The following SPTB variants were observed in gnomAD, a reference collection of about 807,000 sequenced individuals.
SPTB encodes spectrin beta chain, erythrocytic.
A neutral mutation model predicts 256.2 loss-of-function variants in SPTB; 45 were observed. That is an observed-to-expected ratio of 0.18 (90% CI 0.14 to 0.23). SPTB has a LOEUF of 0.23. Ranked by LOEUF, SPTB falls within the 10% of genes least tolerant of loss-of-function variation. The pLI is 1.00. For synonymous variants in SPTB, 1,231 were observed against 1,243.1 expected (o/e 0.99, Z 0.21); for missense variants, 2,715 against 3,040.4 (o/e 0.89, Z 2.52).
rs764314389 is a variant in SPTB, at chr14:64,749,357, G to A, written c.6936C>T (p.Leu2312=). The A allele has an allele frequency of 5.0e-6, 8 of 1,610,574 alleles. No homozygotes were observed. Among genetic ancestry groups the A allele is most frequent in the African/African-American group, 1.3e-5 (1 of 74,930 alleles). ...LPSLSGPDAS[L]GKKDKEKRFS... ...ATCTCTTCTCCTTGTCTTTCTTGCC[G>A]AGGCTGGCGTCGGGGCCGGAGAGGG... Residue 2312 remains leucine, a synonymous_variant, in exon 36 of 36, where the codon CTC becomes CTT. Transcript: ENST00000644917. The surrounding 1 kb of genome is among the most constrained non-coding windows in gnomAD (Gnocchi z 4.7).
rs1021842713 is a variant in SPTB at position 64,823,441 on chromosome 14, A to C, written c.-51-296T>G. ...CGCAGCCAGCTGCTTCCTCCAGACCAGCCGCCCCGCCGCGGGGAGCACCCC... is the reference window on the plus strand; with the variant it reads ...CGCAGCCAGCTGCTTCCTCCAGACCCGCCGCCCCGCCGCGGGGAGCACCCC... On this transcript the variant is annotated intron_variant, in intron 1 of 35. Transcript: ENST00000644917. This position sits in a 1 kb window ranked among gnomAD's most constrained non-coding sequence, Gnocchi z 6.5. 6.6e-6 allele frequency among the ~76,000 whole-genome samples: 1 copy of C among 152,196 alleles called. No homozygotes were observed. The highest frequency in any genetic ancestry group is 2.4e-5 in the African/African-American group (1 of 41,462).
rs770234768 is a variant in SPTB at position 64,791,735 on chromosome 14, C to T, written c.2788G>A (p.Asp930Asn). ...PRSREVKQYQ[D>N]HLNTRWQAFQ... Reference sequence around the variant, plus strand: ...ACACCCCACCTGGTGTTCAGATGGTCCTGGTACTGCTTCACCTCCCTGCTG... The same window carrying T: ...ACACCCCACCTGGTGTTCAGATGGTTCTGGTACTGCTTCACCTCCCTGCTG... The change falls in exon 15 of 36, where the codon GAC becomes AAC. Residue 930 changes from aspartate to asparagine, a missense_variant. Asp to Asn is a conservative substitution (Grantham distance 23). This residue lies in a region of SPTB where 2,239 missense variants were observed against 2,384.4 expected (regional missense o/e 0.94). Coordinates refer to ENST00000644917, the MANE Select transcript of SPTB (RefSeq NM_001355436.2). The T allele has an allele frequency of 3.7e-6, 6 of 1,613,996 alleles. No homozygotes were observed. The highest frequency in any genetic ancestry group is 3.4e-6 in the Non-Finnish European group (4 of 1,180,036).
chr14:64,813,105 G>C (rs1445757293), intron 2 of SPTB, among the ~76,000 whole-genome samples: 2 of 152,130 alleles, frequency 1.3e-5, no homozygotes, highest in Admixed American at 6.5e-5. Context: ...TAGCTGGATG[G>C]TAAGATTGTG....
intron 20 of SPTB, among the ~76,000 whole-genome samples, chr14:64,780,929 C>G (rs1369030572): frequency 1.3e-5 from 2 of 152,148 alleles, no homozygotes; most frequent in East Asian, 3.8e-4. Flanking sequence ...CACACACCTA[C>G]CACCATCTGA....
Position 64,793,325 on chromosome 14 carries a change from C to T in SPTB, c.2338G>A (p.Ala780Thr), listed in dbSNP as rs1275392695. Reference sequence around the variant, plus strand: ...AAGTCCTTGTGCTTTTTCCCCAGGGCCCGCGTGGCCCCTTCGTCCTGCCCC... The same window carrying T: ...AAGTCCTTGTGCTTTTTCCCCAGGGTCCGCGTGGCCCCTTCGTCCTGCCCC... ...DVGQDEGATR[A>T]LGKKHKDFLE... The change falls in exon 14 of 36, where the codon GCC becomes ACC. Residue 780 changes from alanine to threonine, a missense_variant. Coordinates refer to ENST00000644917, the MANE Select transcript of SPTB (RefSeq NM_001355436.2). The surrounding 1 kb of genome is among the most constrained non-coding windows in gnomAD (Gnocchi z 7.0). 12 of 1,609,058 alleles carry T rather than the reference C, an allele frequency of 7.5e-6. No homozygotes were observed. Among genetic ancestry groups the T allele is most frequent in the Non-Finnish European group, 1.0e-5 (12 of 1,180,010 alleles).
chr14:64,842,931 G>A (rs191208549), intron 1 of SPTB, among the ~76,000 whole-genome samples: 23 of 152,206 alleles, frequency 1.5e-4, no homozygotes, highest in Admixed American at 1.3e-3. Flanking sequence ...GCCAGGCATG[G>A]TGGCACACAC....
intron 2 of SPTB, among the ~76,000 whole-genome samples, chr14:64,822,500 G>A (rs1483196144): frequency 6.6e-6 from 1 of 151,464 alleles, no homozygotes; most frequent in Non-Finnish European, 1.5e-5. Flanking sequence ...TGGGGAGGAT[G>A]TTATCTGTTC....
rs965839096 is a variant in SPTB at position 64,841,125 on chromosome 14, C to T, written c.-51-17980G>A. 2.6e-5 allele frequency among the ~76,000 whole-genome samples: 4 copies of T among 152,188 alleles called. No individual in the cohort carries two copies. Among genetic ancestry groups the T allele is most frequent in the African/African-American group, 7.2e-5 (3 of 41,508 alleles). On this transcript the variant is annotated intron_variant, in intron 1 of 35. Coordinates refer to ENST00000644917, the MANE Select transcript of SPTB (RefSeq NM_001355436.2). This position sits in a 1 kb window ranked among gnomAD's most constrained non-coding sequence, Gnocchi z 4.6. ...GTGCCTGGCATTGGATTTTGTAAAC[C>T]CCATTACATTGACTCCTCAGAACAA... is the stretch of plus-strand genomic sequence containing the variant.
intron 33 of SPTB, among the ~76,000 whole-genome samples, chr14:64,750,654 C>T (rs1414967757): frequency 4.6e-5 from 7 of 151,842 alleles, no homozygotes; most frequent in African/African-American, 1.7e-4. Flanking sequence ...CGCATGCCTG[C>T]AGTCTCAGCT....
chr14:64,831,973 G>A (rs1396855946), intron 1 of SPTB, among the ~76,000 whole-genome samples: 2 of 152,152 alleles, frequency 1.3e-5, no homozygotes, highest in Admixed American at 1.3e-4. Flanking sequence ...GTTGTTTTTA[G>A]GTGGAGTGAA....
chr14:64,797,960 C>T (rs899694626), intron 9 of SPTB, 114 bp from the exon 10 acceptor site: 9 of 795,702 alleles, frequency 1.1e-5, no homozygotes, highest in Non-Finnish European at 1.8e-5. Flanking sequence ...AAGCATATTT[C>T]CCTTAAAAAC....
At chr14:64,846,797 G>T (rs2083700737) in intron 1 of SPTB, among the ~76,000 whole-genome samples, 1 of 152,214 alleles carries the variant, frequency 6.6e-6, no homozygotes, top group South Asian at 2.1e-4. Flanking sequence ...TTGTCCCACT[G>T]ATCCTTCACA....
rs1318886377 is a variant in SPTB, at chr14:64,782,274, C to T, written c.4266+16G>A. On this transcript the variant is annotated intron_variant, in intron 20 of 35. Coordinates refer to ENST00000644917, the MANE Select transcript of SPTB (RefSeq NM_001355436.2). Reference sequence around the variant, plus strand: ...CTTCTATCCTAACACTCTGAGTCTACAACCCACTCACGTGCCTTCAGCTTA... The same window carrying T: ...CTTCTATCCTAACACTCTGAGTCTATAACCCACTCACGTGCCTTCAGCTTA... 1 of 1,614,166 alleles carries T rather than the reference C, an allele frequency of 6.2e-7. No homozygotes were observed. Among genetic ancestry groups the T allele is most frequent in the East Asian group, 2.2e-5 (1 of 44,884 alleles).
Position 64,823,696 on chromosome 14 carries a change from T to TG in SPTB, c.-51-552dup, listed in dbSNP as rs1307024475. Among the ~76,000 whole-genome samples the TG allele has an allele frequency of 6.6e-6, 1 of 152,148 alleles. No homozygotes were observed. The highest frequency in any genetic ancestry group is 1.5e-5 in the Non-Finnish European group (1 of 68,016). ...CGCCACCAGCCCGGGGCAGCTGCAC[T>TG]GGGGGGACTTCACTCCTCCCGGAGG... On this transcript the variant is annotated intron_variant, in intron 1 of 35. Coordinates refer to ENST00000644917, the MANE Select transcript of SPTB (RefSeq NM_001355436.2). The surrounding 1 kb of genome is among the most constrained non-coding windows in gnomAD (Gnocchi z 6.5).
intron 12 of SPTB, among the ~76,000 whole-genome samples, chr14:64,794,844 A>G (rs2082737708): frequency 6.6e-6 from 1 of 152,200 alleles, no homozygotes; most frequent in Non-Finnish European, 1.5e-5. Context: ...CTCAAGCCCC[A>G]CACTCATCTA....
Position 64,802,722 on chromosome 14 carries a change from A to G in SPTB, c.475-405T>C, listed in dbSNP as rs1258375916. ...TTCTTGCCCTCAAGGAGTAGCCGCC[A>G]GCCCCGCAGCAACACCACATCCTGA... On this transcript the variant is annotated intron_variant, in intron 4 of 35. Coordinates refer to ENST00000644917, the MANE Select transcript of SPTB (RefSeq NM_001355436.2). This position sits in a 1 kb window ranked among gnomAD's most constrained non-coding sequence, Gnocchi z 5.1. 6.6e-6 allele frequency among the ~76,000 whole-genome samples: 1 copy of G among 152,208 alleles called. No individual in the cohort carries two copies. The highest frequency in any genetic ancestry group is 1.5e-5 in the Non-Finnish European group (1 of 68,030).
intron 1 of SPTB, among the ~76,000 whole-genome samples, chr14:64,856,862 C>G (rs1157068515): frequency 1.3e-5 from 2 of 152,266 alleles, no homozygotes; most frequent in African/African-American, 4.8e-5. Context: ...AGAGAAAACA[C>G]AAGTGACAGC....
chr14:64,870,595 C>T (rs929928987), intron 1 of SPTB, among the ~76,000 whole-genome samples: 1 of 152,226 alleles, frequency 6.6e-6, no homozygotes, highest in Non-Finnish European at 1.5e-5. Flanking sequence ...CGAACTATCA[C>T]CCAAAGACAG....
Position 64,779,564 on chromosome 14 carries a change from T to C in SPTB, c.4473+161A>G, listed in dbSNP as rs2082427203. On this transcript the variant is annotated intron_variant, in intron 21 of 35. Transcript: ENST00000644917. This position sits in a 1 kb window ranked among gnomAD's most constrained non-coding sequence, Gnocchi z 4.2. ...TGCATTCCCAACAAAAGCACTGGCT[T>C]GAGCTTTCCATTTAATGTAATCCTC... is the stretch of plus-strand genomic sequence containing the variant. Among the ~76,000 whole-genome samples, 1 of 152,186 alleles carries C rather than the reference T, an allele frequency of 6.6e-6. No homozygotes were observed. Among genetic ancestry groups the C allele is most frequent in the African/African-American group, 2.4e-5 (1 of 41,438 alleles).
Sources: allele counts gnomAD v4.1 joint callset (sites outside exome capture counted in the v4.1 genomes callset), GRCh38; gene constraint gnomAD v4.1.1; regional missense constraint gnomAD v4.1.1; non-coding constraint Gnocchi (gnomAD v3.1); transcripts MANE v1.5; gene names NCBI Gene and HGNC (gene_info 2026-07-23, HGNC 2026-07-21).